SMURF1: variants seen among roughly 807,000 people sequenced by gnomAD.
SMURF1 encodes E3 ubiquitin-protein ligase SMURF1.
SMURF1 carries 44 observed loss-of-function variants against 98.0 expected under a neutral mutation model. That is an observed-to-expected ratio of 0.45 (90% CI 0.35 to 0.58). The LOEUF is 0.58. Among genes scored for constraint, SMURF1 ranks in the 20% least tolerant of loss-of-function variants. The probability of loss-of-function intolerance (pLI) is 0.00; values close to 1 mark genes in which losing one functional copy is unlikely to be tolerated. For missense variants in SMURF1, 687 were observed against 938.4 expected, an observed-to-expected ratio of 0.73 and a Z score of 3.50; for synonymous variants, 396 against 374.9, an observed-to-expected ratio of 1.06 and a Z score of -0.65.
At chr7:99,047,962 A>T in intron 9 of SMURF1, 80 bp from the exon 10 acceptor site, 1 of 1,302,380 alleles carries the variant, frequency 7.7e-7, no homozygotes, top group Non-Finnish European at 1.1e-6. Flanking sequence ...CGACAGGGTC[A>T]GAGGAGAGAG....
At chr7:99,113,837 TAAAAAA>T (rs71118659) in intron 1 of SMURF1, among the ~76,000 whole-genome samples, 3 of 33,976 alleles carry the variant, frequency 8.8e-5, no homozygotes, top group South Asian at 1.9e-3. Context: ...AGACTCCGTC[TAAAAAA>T]AAAAAAAAAA....
chr7:99,059,538 A>G (rs1020752858), intron 3 of SMURF1, among the ~76,000 whole-genome samples: 4 of 152,130 alleles, frequency 2.6e-5, no homozygotes, highest in Admixed American at 1.3e-4. Flanking sequence ...ATATAAAACT[A>G]TATTTTCTCT....
At chr7:99,081,129 G>A (rs1454136277) in intron 1 of SMURF1, 1 of 152,298 alleles carries the variant, frequency 6.6e-6, no homozygotes, top group Non-Finnish European at 1.5e-5. Context: ...TCCCAGGCTT[G>A]GAAGAGGTGG....
intron 1 of SMURF1, among the ~76,000 whole-genome samples, chr7:99,072,320 A>G (rs1796344799): frequency 6.6e-6 from 1 of 152,054 alleles, no homozygotes. Context: ...AACATTTCCA[A>G]CCGAGGCAGT....
intron 2 of SMURF1, among the ~76,000 whole-genome samples, chr7:99,061,559 T>A (rs1007782208): frequency 6.6e-6 from 1 of 152,154 alleles, no homozygotes; most frequent in East Asian, 1.9e-4. Flanking sequence ...AAAAATTGGG[T>A]GTGACCAGAA....
At position 99,066,988 on chromosome 7, in the gene SMURF1, AT is replaced by A. The variant is rs772382345; in HGVS notation, c.56-5152del. On this transcript the variant is annotated intron_variant, in intron 1 of 17. Transcript: ENST00000361368. ...CAGCATAAAATCTCATTGTATTTGG[AT>A]TTTTTTTTCTTTTTTTTTTTTTTTG... 6.2e-4 allele frequency among the ~76,000 whole-genome samples: 81 copies of A among 131,008 alleles called. 1 individual carries two copies. The highest frequency in any genetic ancestry group is 6.1e-3 in the East Asian group (27 of 4,410). The allele number at this position is 131,008 out of a possible 152,430, so 85.9% of individuals were successfully genotyped here.
intron 1 of SMURF1, among the ~76,000 whole-genome samples, chr7:99,098,237 C>T (rs1311879983): frequency 1.3e-5 from 2 of 152,140 alleles, no homozygotes; most frequent in Non-Finnish European, 2.9e-5. Flanking sequence ...CAGATAATTA[C>T]CTAATTTTCT....
intron 1 of SMURF1, among the ~76,000 whole-genome samples, chr7:99,076,024 C>G (rs1485148026): frequency 6.6e-6 from 1 of 152,214 alleles, no homozygotes; most frequent in Non-Finnish European, 1.5e-5. Context: ...GGCCAGTTCC[C>G]CAGTCACCTT....
At chr7:99,069,881 G>C (rs192196168) in intron 1 of SMURF1, among the ~76,000 whole-genome samples, 1 of 152,232 alleles carries the variant, frequency 6.6e-6, no homozygotes, top group Non-Finnish European at 1.5e-5. Flanking sequence ...CCACTATTCA[G>C]ACACCATTAA....
At chr7:99,063,187 ATCAAGATATATATATTTATATAG>A (rs1796076581) in intron 1 of SMURF1, among the ~76,000 whole-genome samples, 1 of 140,570 alleles carries the variant, frequency 7.1e-6, no homozygotes, top group Non-Finnish European at 1.5e-5. Flanking sequence ...CTATAGCTTT[ATCAAGATATATATATTTATATAG>A]TCAAGATATA....
chr7:99,125,676 G>T (rs1172068042), intron 1 of SMURF1, among the ~76,000 whole-genome samples: 2 of 152,174 alleles, frequency 1.3e-5, no homozygotes, highest in Non-Finnish European at 2.9e-5. Flanking sequence ...ACGGCTAGAA[G>T]GTGGCAAAGC....
intron 5 of SMURF1, among the ~76,000 whole-genome samples, chr7:99,056,730 T>C (rs891561744): frequency 5.9e-5 from 9 of 152,102 alleles, no homozygotes; most frequent in Non-Finnish European, 2.9e-5. Context: ...GGGCCGGGCA[T>C]GGTGGCTCAC....
chr7:99,092,845 G>A (rs890259011), intron 1 of SMURF1, among the ~76,000 whole-genome samples: 7 of 152,196 alleles, frequency 4.6e-5, no homozygotes, highest in Non-Finnish European at 7.3e-5. Context: ...CGAAGACAAT[G>A]TTGCAACTTG....
chr7:99,064,336 G>C (rs1796137299), intron 1 of SMURF1, among the ~76,000 whole-genome samples: 1 of 152,184 alleles, frequency 6.6e-6, no homozygotes, highest in Non-Finnish European at 1.5e-5. Flanking sequence ...TGTTTTGGAA[G>C]AATTTGTATT....
chr7:99,031,951 A>G (rs1794908254), intron 17 of SMURF1, among the ~76,000 whole-genome samples: 1 of 152,236 alleles, frequency 6.6e-6, no homozygotes, highest in African/African-American at 2.4e-5. Context: ...TAAACCATAC[A>G]GGAAATAATC....
chr7:99,143,716 C>T lies in SMURF1; in HGVS notation c.55+10G>A. 1 of 1,552,900 alleles carries T rather than the reference C, an allele frequency of 6.4e-7. No homozygotes were observed. The highest frequency in any genetic ancestry group is 8.7e-7 in the Non-Finnish European group (1 of 1,152,782). On this transcript the variant is annotated intron_variant, in intron 1 of 17. Transcript: ENST00000361368. Reference sequence around the variant, plus strand: ...CGCCGGGGCGCGGGTGGGCCTCCCGCCGGCCGTACCTGTCAGACGGATCTT... The same window carrying T: ...CGCCGGGGCGCGGGTGGGCCTCCCGTCGGCCGTACCTGTCAGACGGATCTT...
chr7:99,076,338 A>C (rs1461934166), intron 1 of SMURF1, among the ~76,000 whole-genome samples: 1 of 152,284 alleles, frequency 6.6e-6, no homozygotes, highest in African/African-American at 2.4e-5. Flanking sequence ...CAAGGTCAAC[A>C]TCAACAGTGA....
chr7:99,036,663 T>G (rs1795156563), intron 15 of SMURF1, among the ~76,000 whole-genome samples: 1 of 152,060 alleles, frequency 6.6e-6, no homozygotes, highest in South Asian at 2.1e-4. Context: ...GCATGCAGTA[T>G]GACTAGAGAA....
chr7:99,113,304 G>C (rs1318227042), intron 1 of SMURF1, among the ~76,000 whole-genome samples: 1 of 152,076 alleles, frequency 6.6e-6, no homozygotes, highest in African/African-American at 2.4e-5. Flanking sequence ...CATGTAGAAG[G>C]CATCCTCAAT....
Sources: gnomAD v4.1 joint callset for allele counts (sites outside exome capture counted in the v4.1 genomes callset) on GRCh38, gnomAD v4.1.1 for gene constraint, MANE v1.5 for transcripts, NCBI Gene and HGNC (gene_info 2026-07-23, HGNC 2026-07-21) for gene names.